MGAT4C: variants seen among roughly 807,000 people sequenced by gnomAD.
The protein encoded by MGAT4C is alpha-1,3-mannosyl-glycoprotein 4-beta-N-acetylglucosaminyltransferase C.
A neutral mutation model predicts 40.1 loss-of-function variants in MGAT4C; 19 were observed. That is an observed-to-expected ratio of 0.47 (90% confidence interval 0.33 to 0.70). The LOEUF is 0.70. Among genes scored for constraint, MGAT4C ranks in the 30% least tolerant of loss-of-function variants. The pLI is 0.02. For missense variants in MGAT4C, 491 were observed against 563.2 expected (o/e 0.87, Z 1.30); for synonymous variants, 181 against 187.1 (o/e 0.97, Z 0.27).
At chr12:86,535,559 A>G (rs1474317723) in intron 2 of MGAT4C, among the ~76,000 whole-genome samples, 1 of 152,098 alleles carries the variant, frequency 6.6e-6, no homozygotes, top group Non-Finnish European at 1.5e-5. Flanking sequence ...GTAATTAGAC[A>G]GCATAACAGC....
At chr12:86,243,683 A>T (rs1473788284) in intron 1 of MGAT4C, among the ~76,000 whole-genome samples, 1 of 152,136 alleles carries the variant, frequency 6.6e-6, no homozygotes, top group Admixed American at 6.5e-5. Flanking sequence ...AGGGACTTCC[A>T]TCCTACAGCT....
At chr12:86,048,817 C>T (rs565186989) in intron 2 of MGAT4C, among the ~76,000 whole-genome samples, 1 of 151,996 alleles carries the variant, frequency 6.6e-6, no homozygotes, top group East Asian at 1.9e-4. Flanking sequence ...GCAAATTACC[C>T]AGACAGGTGT....
At chr12:86,458,096 C>A (rs539217211) in intron 2 of MGAT4C, among the ~76,000 whole-genome samples, 1 of 152,096 alleles carries the variant, frequency 6.6e-6, no homozygotes, top group South Asian at 2.1e-4. Flanking sequence ...ACTCATAAAT[C>A]TCTGAATCAA....
intron 1 of MGAT4C, among the ~76,000 whole-genome samples, chr12:86,253,151 T>C (rs576922394): frequency 6.6e-6 from 1 of 152,066 alleles, no homozygotes; most frequent in East Asian, 1.9e-4. Flanking sequence ...CACCTTAAAA[T>C]ACATTCTACT....
chr12:86,175,710 G>C (rs1251980132), intron 1 of MGAT4C, among the ~76,000 whole-genome samples: 1 of 148,412 alleles, frequency 6.7e-6, no homozygotes, highest in Non-Finnish European at 1.5e-5. Flanking sequence ...CCAGCACTTT[G>C]GGAGGCCGAG....
chr12:86,309,216 C>A (rs187399281), intron 4 of MGAT4C, among the ~76,000 whole-genome samples: 1 of 141,510 alleles, frequency 7.1e-6, no homozygotes. Flanking sequence ...TGTTGTGGAT[C>A]TTCTGATAAA....
chr12:86,073,315 C>T (rs1228005739), intron 1 of MGAT4C, among the ~76,000 whole-genome samples: 2 of 152,106 alleles, frequency 1.3e-5, no homozygotes, highest in African/African-American at 2.4e-5. Context: ...TATAAATTAC[C>T]CCGTCTTGGG....
At chr12:86,078,764 CA>C (rs1194407020) in intron 1 of MGAT4C, among the ~76,000 whole-genome samples, 3 of 152,124 alleles carry the variant, frequency 2.0e-5, no homozygotes, top group Admixed American at 1.3e-4. Flanking sequence ...CGGGCGATGA[CA>C]GGGGTGGCTG....
At chr12:86,125,093 C>A (rs1269479456) in intron 1 of MGAT4C, among the ~76,000 whole-genome samples, 2 of 152,080 alleles carry the variant, frequency 1.3e-5, no homozygotes, top group Admixed American at 6.6e-5. Context: ...TCTGACTAAA[C>A]CTCAATAACT....
chr12:86,000,738 G>A (rs1887202528), intron 2 of MGAT4C, among the ~76,000 whole-genome samples: 1 of 152,082 alleles, frequency 6.6e-6, no homozygotes, highest in African/African-American at 2.4e-5. Context: ...GAGTAAACAT[G>A]AATATGTTGA....
chr12:86,577,466 T>TTAA (rs1960609501), intron 2 of MGAT4C, among the ~76,000 whole-genome samples: 1 of 151,840 alleles, frequency 6.6e-6, no homozygotes, highest in Admixed American at 6.6e-5. Flanking sequence ...TTTTATTATG[T>TTAA]TAAGGTACGT....
chr12:86,454,882 GTTGT>G (rs1183950602), intron 2 of MGAT4C, among the ~76,000 whole-genome samples: 2 of 152,034 alleles, frequency 1.3e-5, no homozygotes, highest in African/African-American at 4.8e-5. Context: ...CAAATTTTAT[GTTGT>G]TTCTTTCTCT....
At chr12:86,814,313 C>T (rs376194467) in intron 1 of MGAT4C, among the ~76,000 whole-genome samples, 4 of 1,552 alleles carry the variant, frequency 2.6e-3, no homozygotes, top group East Asian at 0.056. Context: ...TATATATATA[C>T]GTATATATAC....
At chr12:86,203,308 G>A (rs1950117739) in intron 1 of MGAT4C, among the ~76,000 whole-genome samples, 1 of 152,040 alleles carries the variant, frequency 6.6e-6, no homozygotes, top group Non-Finnish European at 1.5e-5. Flanking sequence ...AAATTTCCAA[G>A]GGTAGGCTAG....
chr12:86,769,458 G>T (rs111876871), intron 1 of MGAT4C, among the ~76,000 whole-genome samples: 1 of 152,108 alleles, frequency 6.6e-6, no homozygotes, highest in Non-Finnish European at 1.5e-5. Flanking sequence ...TCAGTGTGGC[G>T]ATTCCTCAGG....
chr12:86,516,956 A>G (rs565427754), intron 2 of MGAT4C, among the ~76,000 whole-genome samples: 1 of 152,302 alleles, frequency 6.6e-6, no homozygotes, highest in Non-Finnish European at 1.5e-5. Flanking sequence ...GAGCAGCATC[A>G]TTAGTCATTT....
At chr12:86,246,238 C>A in intron 1 of MGAT4C, among the ~76,000 whole-genome samples, 1 of 135,454 alleles carries the variant, frequency 7.4e-6, no homozygotes, top group Non-Finnish European at 1.5e-5. Context: ...AAGGCTGGAG[C>A]GCAGTGGCTT....
intron 2 of MGAT4C, among the ~76,000 whole-genome samples, chr12:86,485,951 C>T (rs1209883772): frequency 3.9e-5 from 6 of 152,044 alleles, no homozygotes; most frequent in Admixed American, 3.3e-4. Context: ...GAAATTCCAA[C>T]CATAAATTTT....
At chr12:86,106,449 C>T (rs1291388515) in intron 1 of MGAT4C, among the ~76,000 whole-genome samples, 4 of 152,056 alleles carry the variant, frequency 2.6e-5, no homozygotes, top group Admixed American at 6.6e-5. Context: ...TGCACGTTCC[C>T]GCCAGGATGC....
Sources: gnomAD v4.1 joint callset for allele counts (sites outside exome capture counted in the v4.1 genomes callset) on GRCh38, gnomAD v4.1.1 for gene constraint, MANE v1.5 for transcripts, NCBI Gene and HGNC (gene_info 2026-07-23, HGNC 2026-07-21) for gene names.